Variants in FOXP2 observed in about 807,000 individuals in gnomAD.
The protein encoded by FOXP2 is forkhead box protein P2.
In FOXP2, 12 loss-of-function variants were observed where a neutral mutation model predicts 115.8. That is an observed-to-expected ratio of 0.10 (90% confidence interval 0.07 to 0.17). The LOEUF (loss-of-function observed/expected upper bound fraction) is 0.17, where lower values mean the gene tolerates loss of function less well. Ranked by LOEUF, FOXP2 falls within the 10% of genes least tolerant of loss-of-function variation. The pLI is 1.00. For synonymous variants in FOXP2, 328 were observed against 297.7 expected (o/e 1.10, Z -1.05); for missense variants, 629 against 843.5 (o/e 0.75, Z 3.15).
chr7:114,407,201 G>A (rs1457615880), intron 2 of FOXP2, among the ~76,000 whole-genome samples: 1 of 151,962 alleles, frequency 6.6e-6, no homozygotes. Context: ...CATTTTAACA[G>A]TCTGCAAAAG....
intron 2 of FOXP2, among the ~76,000 whole-genome samples, chr7:114,333,121 C>CA (rs1382720452): frequency 6.6e-6 from 1 of 151,842 alleles, no homozygotes; most frequent in Non-Finnish European, 1.5e-5. Context: ...TTCTAAATTA[C>CA]AAAAAATAAA....
chr7:114,496,651 A>G (rs1219024023), intron 2 of FOXP2, among the ~76,000 whole-genome samples: 1 of 152,182 alleles, frequency 6.6e-6, no homozygotes, highest in Middle Eastern at 3.2e-3. Flanking sequence ...ATACAATCAT[A>G]CATTGAACTA....
chr7:114,159,038 G>GT (rs754015843), upstream of FOXP2, among the ~76,000 whole-genome samples: 1 of 152,102 alleles, frequency 6.6e-6, no homozygotes, highest in Non-Finnish European at 1.5e-5. Context: ...TTGTGGACTG[G>GT]ATGTATATGT....
At chr7:114,665,587 G>A (rs1009114978) in intron 16 of FOXP2, 6 of 151,880 alleles carry the variant, frequency 4.0e-5, no homozygotes, top group African/African-American at 1.2e-4. Context: ...TTGCTTTATA[G>A]CACTTTTACT....
chr7:114,352,774 G>T (rs1250328905), intron 2 of FOXP2, among the ~76,000 whole-genome samples: 1 of 152,010 alleles, frequency 6.6e-6, no homozygotes, highest in Non-Finnish European at 1.5e-5. Context: ...AGGTACTGAG[G>T]GTTAGGACTT....
At chr7:114,128,166 G>T (rs1791771583) in intron 1 of FOXP2, among the ~76,000 whole-genome samples, 2 of 152,078 alleles carry the variant, frequency 1.3e-5, no homozygotes, top group Non-Finnish European at 2.9e-5. Context: ...TAAAATTTAA[G>T]GATATTTCTA....
At position 114,535,895 on chromosome 7, in the gene FOXP2, G is replaced by GT. The variant is rs201605894; in HGVS notation, c.258+1198dup. ...CACCCTGAGTTTAAGATTCTTTTCAGTTTTTTTTTCTCTTTTAAAAGCAAC... is the reference window on the plus strand; with the variant it reads ...CACCCTGAGTTTAAGATTCTTTTCAGTTTTTTTTTTCTCTTTTAAAAGCAAC... On this transcript the variant is annotated intron_variant, in intron 3 of 16. Transcript: ENST00000350908. 3.6e-4 allele frequency among the ~76,000 whole-genome samples: 54 copies of GT among 150,568 alleles called. No individual in the cohort carries two copies. In the South Asian group the frequency reaches 8.8e-3, roughly 24 times the overall value.
Position 114,644,707 on chromosome 7 carries a change from G to A in FOXP2, c.1012G>A (p.Ala338Thr), listed in dbSNP as rs767291302. Residue 338 changes from alanine (A) to threonine (T), a missense_variant, in exon 8 of 17, where the codon GCC becomes ACC. Physicochemically the swap from Ala to Thr is moderately conservative, Grantham distance 58 (BLOSUM62 0). Transcript: ENST00000350908. ...RDSSSHEETG[A>T]SHTLYGHGVC... is the part of the protein sequence containing the mutation. ...CAGCTCGTCACATGAGGAGACTGGG[G>A]CCTCTCACACTCTCTATGGCCATGG... The A allele has an allele frequency of 6.2e-7, 1 of 1,613,922 alleles. No individual in the cohort carries two copies. The highest frequency in any genetic ancestry group is 1.1e-5 in the South Asian group (1 of 91,076).
chr7:114,245,699 G>A (rs1480300111), intron 1 of FOXP2, among the ~76,000 whole-genome samples: 1 of 152,094 alleles, frequency 6.6e-6, no homozygotes, highest in Non-Finnish European at 1.5e-5. Flanking sequence ...CGTGTATCAA[G>A]AGTTTTGTAA....
chr7:114,665,341 A>G (rs1188195349), intron 16 of FOXP2: 1 of 152,164 alleles, frequency 6.6e-6, no homozygotes. Context: ...ACTTCCTAGA[A>G]TTAAACGTCA....
At chr7:114,162,155 A>C (rs1918833), upstream of FOXP2, among the ~76,000 whole-genome samples, 44 of 152,272 alleles carry the variant, frequency 2.9e-4, no homozygotes, top group African/African-American at 1.0e-3. Context: ...GGTTTTGATA[A>C]AATTTGAATA....
At chr7:114,297,177 T>A in intron 2 of FOXP2, 1 of 496,504 alleles carries the variant, frequency 2.0e-6, no homozygotes, top group South Asian at 1.7e-5. Context: ...TCCTGCTTCC[T>A]CTTGGCGTGG....
intron 8 of FOXP2, among the ~76,000 whole-genome samples, chr7:114,651,026 A>G (rs1345980169): frequency 3.9e-5 from 6 of 152,074 alleles, no homozygotes; most frequent in Non-Finnish European, 8.8e-5. Context: ...CATATGTTTT[A>G]CATGTATGTG....
At chr7:114,145,778 G>C (rs1792355193) in intron 1 of FOXP2, among the ~76,000 whole-genome samples, 1 of 152,042 alleles carries the variant, frequency 6.6e-6, no homozygotes. Context: ...AGACAATAAA[G>C]TTGTTAAAGT....
At chr7:114,176,781 C>T (rs1028602088) in intron 1 of FOXP2, among the ~76,000 whole-genome samples, 14 of 151,736 alleles carry the variant, frequency 9.2e-5, no homozygotes, top group African/African-American at 2.7e-4. Context: ...CTTGTGTAAC[C>T]GGTGCCTAGC....
chr7:114,216,631 C>T (rs1453872489), intron 1 of FOXP2, among the ~76,000 whole-genome samples: 2 of 151,928 alleles, frequency 1.3e-5, no homozygotes, highest in Admixed American at 6.6e-5. Context: ...TTATAAATCT[C>T]TTAGTTTAAT....
Position 114,691,450 on chromosome 7 carries a change from C to T in FOXP2, c.*1524C>T, listed in dbSNP as rs537398392. The T allele has an allele frequency of 8.8e-5, 40 of 453,898 alleles. No individual in the cohort carries two copies. Among genetic ancestry groups the T allele is most frequent in the Middle Eastern group, 6.9e-4 (1 of 1,442 alleles). 28.1% of individuals were successfully genotyped at this position (453,898 alleles called of 1,614,324 possible). A position where few individuals can be genotyped will look rare whatever the true frequency, so the allele number is the denominator to read the frequency against. On this transcript the variant is annotated 3_prime_UTR_variant, in exon 17 of 17. Coordinates refer to ENST00000350908, the MANE Select transcript of FOXP2 (RefSeq NM_014491.4). ...ACATATAATTCTGCCTCTGCTTATA[C>T]GGGATATTAACACTAACAATACACT...
At chr7:114,586,781 A>G (rs1802156842) in intron 3 of FOXP2, among the ~76,000 whole-genome samples, 1 of 152,126 alleles carries the variant, frequency 6.6e-6, no homozygotes, top group Non-Finnish European at 1.5e-5. Context: ...TTTGAAATAT[A>G]TCAAGTTGTC....
intron 13 of FOXP2, chr7:114,661,715 C>T (rs1202459136): frequency 3.2e-6 from 1 of 317,326 alleles, no homozygotes; most frequent in East Asian, 8.3e-5. Flanking sequence ...TTCAACCATC[C>T]CTGAGTGCTT....
Sources: allele counts gnomAD v4.1 joint callset (sites outside exome capture counted in the v4.1 genomes callset), GRCh38; gene constraint gnomAD v4.1.1; transcripts MANE v1.5; gene names NCBI Gene and HGNC (gene_info 2026-07-23, HGNC 2026-07-21).